Variants in FRMD6 observed in about 807,000 individuals in gnomAD.
FRMD6 encodes the protein FERM domain-containing protein 6.
A neutral mutation model predicts 73.2 loss-of-function variants in FRMD6; 37 were observed. The observed-to-expected ratio is 0.51, with a 90% CI of 0.39 to 0.66. FRMD6 has a LOEUF of 0.66. FRMD6 is among the 30% of genes least tolerant of loss of function. The probability of loss-of-function intolerance (pLI) is 0.00; values close to 1 mark genes in which losing one functional copy is unlikely to be tolerated. For synonymous variants in FRMD6, 273 were observed against 282.2 expected (o/e 0.97, Z 0.33); for missense variants, 714 against 780.5 (o/e 0.91, Z 1.02).
the FRMD6 span, among the ~76,000 whole-genome samples, chr14:51,422,914 GCCT>G: frequency 6.6e-6 from 1 of 152,188 alleles, no homozygotes; most frequent in African/African-American, 2.4e-5. Context: ...CACATGGTTT[GCCT>G]TGACCAATGA....
At chr14:51,564,805 TCA>T (rs1467837664) in intron 1 of FRMD6, among the ~76,000 whole-genome samples, 3 of 152,206 alleles carry the variant, frequency 2.0e-5, no homozygotes, top group Non-Finnish European at 4.4e-5. Flanking sequence ...ACCATGTCAC[TCA>T]CAGAAAGTTT....
intron 1 of FRMD6, among the ~76,000 whole-genome samples, chr14:51,535,406 T>C (rs1885826295): frequency 6.6e-6 from 1 of 152,208 alleles, no homozygotes; most frequent in South Asian, 2.1e-4. Flanking sequence ...TTTTCTGCTC[T>C]ATAGATTTGC....
At chr14:51,403,172 T>C in the FRMD6 span, among the ~76,000 whole-genome samples, 7 of 152,322 alleles carry the variant, frequency 4.6e-5, no homozygotes, top group African/African-American at 1.7e-4. Context: ...AAATACCATC[T>C]ACCTGGTTTA....
At chr14:51,486,446 G>A (rs1882762349), upstream of FRMD6, among the ~76,000 whole-genome samples, 1 of 152,194 alleles carries the variant, frequency 6.6e-6, no homozygotes, top group African/African-American at 2.4e-5. Context: ...AAGAATTCCT[G>A]TGTAGAGTTT....
chr14:51,572,949 A>G (rs189406215), intron 2 of FRMD6, among the ~76,000 whole-genome samples: 2 of 152,336 alleles, frequency 1.3e-5, no homozygotes, highest in Non-Finnish European at 2.9e-5. Flanking sequence ...AGAGAAGACT[A>G]ATTTTCTTCA....
At chr14:51,477,882 G>A in the FRMD6 span, among the ~76,000 whole-genome samples, 1 of 152,008 alleles carries the variant, frequency 6.6e-6, no homozygotes, top group African/African-American at 2.4e-5. Flanking sequence ...TGGGATTACA[G>A]GCACGTGCCA....
chr14:51,717,160 G>C (rs2140582248), intron 10 of FRMD6: 1 of 152,162 alleles, frequency 6.6e-6, no homozygotes, highest in South Asian at 2.1e-4. Context: ...GGAGGCTTAA[G>C]TGAGTAGGTG....
intron 2 of FRMD6, among the ~76,000 whole-genome samples, chr14:51,597,930 G>A (rs1470945587): frequency 6.6e-6 from 1 of 152,086 alleles, no homozygotes; most frequent in Non-Finnish European, 1.5e-5. Context: ...ACTGAGGCCT[G>A]GAAACAAGGA....
the FRMD6 span, among the ~76,000 whole-genome samples, chr14:51,456,155 A>AT: frequency 1.3e-5 from 2 of 151,910 alleles, no homozygotes; most frequent in East Asian, 1.9e-4. Context: ...TTTCTTTTAA[A>AT]TTTTTTTTAT....
chr14:51,423,279 C>T, the FRMD6 span, among the ~76,000 whole-genome samples: 2 of 152,186 alleles, frequency 1.3e-5, no homozygotes, highest in South Asian at 4.1e-4. Flanking sequence ...CTAGTTCTCA[C>T]GGCAGAGCCT....
chr14:51,558,903 T>C (rs989123893), intron 1 of FRMD6, among the ~76,000 whole-genome samples: 1 of 152,210 alleles, frequency 6.6e-6, no homozygotes, highest in Admixed American at 6.5e-5. Context: ...GTACCACTCT[T>C]TGCCAAATTT....
intron 1 of FRMD6, among the ~76,000 whole-genome samples, chr14:51,670,031 A>G (rs1007318971): frequency 6.7e-6 from 1 of 149,572 alleles, no homozygotes; most frequent in African/African-American, 2.5e-5. Context: ...ATTTTTACCG[A>G]AAAAAAAAAG....
intron 1 of FRMD6, among the ~76,000 whole-genome samples, chr14:51,674,482 A>G (rs888866101): frequency 3.3e-5 from 5 of 152,086 alleles, no homozygotes; most frequent in Non-Finnish European, 7.4e-5. Context: ...TTTCTCCAGG[A>G]TAAATGTTTA....
intron 1 of FRMD6, among the ~76,000 whole-genome samples, chr14:51,665,095 G>C (rs1893483747): frequency 6.6e-6 from 1 of 152,166 alleles, no homozygotes. Context: ...AAGTTTGGCT[G>C]CAGACATGTT....
At chr14:51,691,988 T>C (rs1895620660) in intron 2 of FRMD6, among the ~76,000 whole-genome samples, 1 of 152,220 alleles carries the variant, frequency 6.6e-6, no homozygotes, top group South Asian at 2.1e-4. Flanking sequence ...CATTAAAAAG[T>C]TTAGCTAAGA....
chr14:51,687,757 G>C (rs1410443875), intron 1 of FRMD6, among the ~76,000 whole-genome samples: 1 of 152,056 alleles, frequency 6.6e-6, no homozygotes, highest in Non-Finnish European at 1.5e-5. Context: ...ACACAAATTT[G>C]ACCTGTTTTA....
At chr14:51,627,661 T>G (rs1891169294) in intron 2 of FRMD6, among the ~76,000 whole-genome samples, 1 of 152,234 alleles carries the variant, frequency 6.6e-6, no homozygotes, top group Non-Finnish European at 1.5e-5. Context: ...TTCCTGATGC[T>G]TGAGAACAGA....
intron 2 of FRMD6, among the ~76,000 whole-genome samples, chr14:51,590,100 A>C (rs1317966872): frequency 6.6e-6 from 1 of 151,574 alleles, no homozygotes; most frequent in East Asian, 1.9e-4. Context: ...GTAAGTGAGA[A>C]TTTTTTAAAA....
At chr14:51,662,623 C>A (rs1893297896) in intron 1 of FRMD6, among the ~76,000 whole-genome samples, 1 of 152,156 alleles carries the variant, frequency 6.6e-6, no homozygotes, top group African/African-American at 2.4e-5. Flanking sequence ...GGACTGCCTC[C>A]TTATACCATA....
Sources: allele counts gnomAD v4.1 joint callset (sites outside exome capture counted in the v4.1 genomes callset), GRCh38; gene constraint gnomAD v4.1.1; transcripts MANE v1.5; gene names NCBI Gene and HGNC (gene_info 2026-07-23, HGNC 2026-07-21).